The following IRAK1BP1 variants were observed in gnomAD, a reference collection of about 807,000 sequenced individuals.
The protein encoded by IRAK1BP1 is interleukin-1 receptor-associated kinase 1-binding protein 1.
A neutral mutation model predicts 28.0 loss-of-function variants in IRAK1BP1; 24 were observed. The observed-to-expected ratio is 0.86, with a 90% CI of 0.62 to 1.20. The LOEUF (loss-of-function observed/expected upper bound fraction) is 1.20, where lower values mean the gene tolerates loss of function less well. Ranked by LOEUF, IRAK1BP1 falls within the 50% of genes most tolerant of loss-of-function variation. The pLI is 0.00. For synonymous variants in IRAK1BP1, 131 were observed against 116.3 expected (o/e 1.13, Z -0.81); for missense variants, 336 against 316.7 (o/e 1.06, Z -0.46).
the IRAK1BP1 span, among the ~76,000 whole-genome samples, chr6:78,971,209 TTTG>T: frequency 2.0e-5 from 3 of 152,360 alleles, no homozygotes; most frequent in South Asian, 6.2e-4. Flanking sequence ...ATTGTCCACT[TTTG>T]TTGTTAACTT....
At chr6:78,925,285 C>A (rs1200050640) in intron 4 of IRAK1BP1, among the ~76,000 whole-genome samples, 7 of 152,126 alleles carry the variant, frequency 4.6e-5, no homozygotes, top group Non-Finnish European at 1.0e-4. Flanking sequence ...CAAACCTGCA[C>A]ATTGTGGACA....
chr6:78,940,644 T>G, intron 4 of IRAK1BP1: 6 of 1,264,326 alleles, frequency 4.7e-6, no homozygotes, highest in Non-Finnish European at 6.6e-6. Context: ...TACTTATTCC[T>G]TAACTGTACC....
chr6:78,910,607 T>C (rs1329463383), intron 4 of IRAK1BP1, among the ~76,000 whole-genome samples: 2 of 152,234 alleles, frequency 1.3e-5, no homozygotes, highest in Non-Finnish European at 2.9e-5. Flanking sequence ...AAAAGTGATA[T>C]CAAGCCCGGG....
At chr6:78,979,350 C>T in the IRAK1BP1 span, among the ~76,000 whole-genome samples, 2 of 152,206 alleles carry the variant, frequency 1.3e-5, no homozygotes, top group South Asian at 4.1e-4. Flanking sequence ...AAAGTACAAG[C>T]TCTGTGTATT....
the IRAK1BP1 span, among the ~76,000 whole-genome samples, chr6:78,971,676 G>A: frequency 1.3e-4 from 20 of 152,238 alleles, no homozygotes; most frequent in Non-Finnish European, 1.9e-4. Flanking sequence ...TGCGCGCACC[G>A]TGTGCGAGCC....
chr6:78,956,994 T>C, the IRAK1BP1 span: 3 of 152,006 alleles, frequency 2.0e-5, no homozygotes, highest in Non-Finnish European at 4.4e-5. Context: ...ATAATCAAAA[T>C]TTCAAGGAAT....
At chr6:78,873,956 C>A (rs1329843294) in intron 1 of IRAK1BP1, among the ~76,000 whole-genome samples, 1 of 152,152 alleles carries the variant, frequency 6.6e-6, no homozygotes. Flanking sequence ...CATGCAAGAA[C>A]CTTGCTTTAC....
the IRAK1BP1 span, among the ~76,000 whole-genome samples, chr6:78,978,898 A>G: frequency 6.6e-6 from 1 of 152,102 alleles, no homozygotes; most frequent in African/African-American, 2.4e-5. Flanking sequence ...CCTTGACTGA[A>G]AATATTTGGA....
At chr6:78,954,812 A>G in the IRAK1BP1 span, 1 of 1,569,978 alleles carries the variant, frequency 6.4e-7, no homozygotes, top group Non-Finnish European at 8.6e-7. Context: ...AAAAATACTT[A>G]CTGGATATTC....
In IRAK1BP1 at chr6:78,901,865, A is replaced by C. The variant is rs543970271; in HGVS notation, c.*3531A>C. 6.6e-6 allele frequency: 1 copy of C among 152,254 alleles called. No individual in the cohort carries two copies. The highest frequency in any genetic ancestry group is 2.1e-4 in the South Asian group (1 of 4,820). The allele number at this position is 152,254 out of a possible 1,614,324, so 9.4% of individuals were successfully genotyped here. A position where few individuals can be genotyped will look rare whatever the true frequency, so the allele number is the denominator to read the frequency against. On this transcript the variant is annotated 3_prime_UTR_variant, in exon 4 of 4. Coordinates refer to ENST00000369940, the MANE Select transcript of IRAK1BP1 (RefSeq NM_001010844.4). ...CTCAAGATGCTGTACCTCATCCTAT[A>C]ATTGTTGTTTTGTAATATTCCTTCT...
intron 2 of IRAK1BP1, among the ~76,000 whole-genome samples, chr6:78,891,359 G>T (rs1174473759): frequency 6.6e-6 from 1 of 152,176 alleles, no homozygotes; most frequent in Non-Finnish European, 1.5e-5. Context: ...ATGAATGGAT[G>T]TGGGAAGGAG....
chr6:78,933,212 G>C (rs147838523), intron 4 of IRAK1BP1, among the ~76,000 whole-genome samples: 2 of 152,180 alleles, frequency 1.3e-5, no homozygotes, highest in Non-Finnish European at 2.9e-5. Context: ...TTTCATCTGC[G>C]TTGAAAATTT....
the IRAK1BP1 span, chr6:78,965,777 A>C: frequency 1.4e-6 from 2 of 1,464,058 alleles, no homozygotes; most frequent in Non-Finnish European, 1.9e-6. Context: ...TAAAGAAAGA[A>C]AAATCATTAT....
chr6:78,965,090 C>T, the IRAK1BP1 span, among the ~76,000 whole-genome samples: 15 of 152,096 alleles, frequency 9.9e-5, no homozygotes, highest in African/African-American at 3.6e-4. Context: ...ATGTGTCAGG[C>T]CATATGCATA....
intron 1 of IRAK1BP1, among the ~76,000 whole-genome samples, chr6:78,878,989 G>A (rs1025217434): frequency 1.1e-4 from 17 of 152,156 alleles, no homozygotes; most frequent in Admixed American, 3.9e-4. Flanking sequence ...AGAAATATGC[G>A]ACTATGTGAA....
At chr6:78,941,129 T>C in intron 4 of IRAK1BP1, 2 of 1,614,072 alleles carry the variant, frequency 1.2e-6, no homozygotes, top group Non-Finnish European at 1.7e-6. Context: ...ATGCACATTA[T>C]TTTGCTCTAA....
chr6:78,978,789 A>T, the IRAK1BP1 span: 4 of 1,137,920 alleles, frequency 3.5e-6, no homozygotes, highest in Non-Finnish European at 5.0e-6. Flanking sequence ...TAAAATAACT[A>T]TAAAGATAAT....
At chr6:78,915,077 C>T (rs972896543) in intron 4 of IRAK1BP1, among the ~76,000 whole-genome samples, 1 of 152,186 alleles carries the variant, frequency 6.6e-6, no homozygotes, top group African/African-American at 2.4e-5. Context: ...ACCTCAGCCT[C>T]CCAAAGTGCT....
chr6:78,954,828 G>T, the IRAK1BP1 span: 1 of 1,581,248 alleles, frequency 6.3e-7, no homozygotes, highest in Non-Finnish European at 8.6e-7. Flanking sequence ...TATTCAAGGA[G>T]ATCTACCGGC....
Sources: gnomAD v4.1 joint callset for allele counts (sites outside exome capture counted in the v4.1 genomes callset) on GRCh38, gnomAD v4.1.1 for gene constraint, MANE v1.5 for transcripts, NCBI Gene and HGNC (gene_info 2026-07-23, HGNC 2026-07-21) for gene names.